The following EIPR1 variants were observed in gnomAD, a reference collection of about 807,000 sequenced individuals.
The protein encoded by EIPR1 is EARP and GARP complex-interacting protein 1.
Under a neutral mutation model 48.1 loss-of-function variants are expected in EIPR1, and 25 were observed. The observed-to-expected ratio is 0.52, with a 90% CI of 0.38 to 0.73. The LOEUF (loss-of-function observed/expected upper bound fraction) is 0.73. Among genes scored for constraint, EIPR1 ranks in the 30% least tolerant of loss-of-function variants. The pLI is 0.00. For synonymous variants in EIPR1, 204 were observed against 201.9 expected, an observed-to-expected ratio of 1.01 and a Z score of -0.09; for missense variants, 415 against 506.2, an observed-to-expected ratio of 0.82 and a Z score of 1.73.
chr2:3,210,488 C>A (rs1317564924), intron 5 of EIPR1, among the ~76,000 whole-genome samples: 2 of 152,142 alleles, frequency 1.3e-5, no homozygotes, highest in Non-Finnish European at 2.9e-5. Flanking sequence ...AACACCCCCA[C>A]GACAATCACA....
At chr2:3,333,679 T>G (rs1376140704) in intron 3 of EIPR1, among the ~76,000 whole-genome samples, 1 of 148,184 alleles carries the variant, frequency 6.7e-6, no homozygotes, top group Admixed American at 6.9e-5. Context: ...AGGTGGAGGT[T>G]GCAGTGAGCC....
In EIPR1 at chr2:3,331,233, CAGCAGAGGCAGGTGTGTACACACTCAT is replaced by C. The variant is rs1558303739; in HGVS notation, c.259+6757_259+6783del. 4.0e-4 allele frequency among the ~76,000 whole-genome samples: 33 copies of C among 82,092 alleles called. 3 individuals carry two copies. Among genetic ancestry groups the C allele is most frequent in the East Asian group, 3.1e-3 (3 of 962 alleles). 53.9% of individuals were successfully genotyped at this position (82,092 alleles called of 152,430 possible). A position where few individuals can be genotyped will look rare whatever the true frequency, so the allele number is the denominator to read the frequency against. ...GTGTGTATACACTCATGAGATGTGT[CAGCAGAGGCAGGTGTGTACACACTCAT>C]GAGATGGTGTGAGCAGAGGCAGGTG... On this transcript the variant is annotated intron_variant, in intron 3 of 8. Coordinates refer to ENST00000382125, the MANE Select transcript of EIPR1 (RefSeq NM_003310.5).
At chr2:3,221,967 C>G (rs1665908298) in intron 4 of EIPR1, among the ~76,000 whole-genome samples, 1 of 152,120 alleles carries the variant, frequency 6.6e-6, no homozygotes, top group African/African-American at 2.4e-5. Context: ...CTCCTGAAAA[C>G]TTGTTTCCCA....
chr2:3,337,515 C>G (rs1670103198), intron 3 of EIPR1, among the ~76,000 whole-genome samples: 1 of 152,184 alleles, frequency 6.6e-6, no homozygotes, highest in South Asian at 2.1e-4. Context: ...TTCAGCAACT[C>G]AGACATCTGC....
intron 3 of EIPR1, among the ~76,000 whole-genome samples, chr2:3,297,669 G>A (rs1264153275): frequency 6.6e-6 from 1 of 152,218 alleles, no homozygotes; most frequent in East Asian, 1.9e-4. Flanking sequence ...TTACTCTGTA[G>A]AGCAAAATCA....
intron 1 of EIPR1, among the ~76,000 whole-genome samples, chr2:3,355,822 A>AAAATAAAATAAAATG (rs1670710289): frequency 6.6e-6 from 1 of 151,830 alleles, no homozygotes; most frequent in Non-Finnish European, 1.5e-5. Flanking sequence ...TAAATAAAAT[A>AAAATAAAATAAAATG]AAATAAAATA....
intron 1 of EIPR1, among the ~76,000 whole-genome samples, chr2:3,359,256 T>C (rs536077623): frequency 2.8e-4 from 43 of 152,242 alleles, no homozygotes; most frequent in African/African-American, 1.0e-3. Context: ...CAAAAATAAG[T>C]AAATTGTATC....
intron 4 of EIPR1, among the ~76,000 whole-genome samples, chr2:3,238,978 T>C (rs1666505739): frequency 1.3e-5 from 2 of 152,120 alleles, no homozygotes; most frequent in African/African-American, 4.8e-5. Flanking sequence ...CTATCTAAGC[T>C]CGGCATGAAG....
intron 3 of EIPR1, among the ~76,000 whole-genome samples, chr2:3,283,662 A>T (rs1258889601): frequency 6.6e-6 from 1 of 152,224 alleles, no homozygotes; most frequent in Non-Finnish European, 1.5e-5. Context: ...AAAAGGGAAA[A>T]CTGCTGGGCA....
chr2:3,305,998 G>A (rs189193397), intron 3 of EIPR1, among the ~76,000 whole-genome samples: 3 of 152,168 alleles, frequency 2.0e-5, no homozygotes, highest in African/African-American at 7.2e-5. Flanking sequence ...ACTGAGTTCC[G>A]AGGCAGTCAC....
chr2:3,239,582 C>A (rs1666527436), intron 4 of EIPR1, among the ~76,000 whole-genome samples: 1 of 152,210 alleles, frequency 6.6e-6, no homozygotes, highest in South Asian at 2.1e-4. Flanking sequence ...TGTGGCCCTG[C>A]CCTCAGCACA....
intron 4 of EIPR1, among the ~76,000 whole-genome samples, chr2:3,253,955 A>G (rs2694094): frequency 0.66 from 100,829 of 152,084 alleles, 33,667 homozygotes; most frequent in East Asian, 0.81. Flanking sequence ...GCGTGATGGC[A>G]GCTGGAGTGG....
In EIPR1 at chr2:3,194,158, T is replaced by C. The variant is rs1368698072; in HGVS notation, c.662A>G (p.Tyr221Cys). The change falls in exon 7 of 9, where the codon TAC becomes TGC. Residue 221 changes from tyrosine (Y) to cysteine (C), a missense_variant. Physicochemically the swap from Tyr to Cys is radical, Grantham distance 194. Transcript: ENST00000382125. ...GWDTRSMSQI[Y>C]CIENAHGQLV... ...CTGTCCGTGGGCATTCTCTATGCAG[T>C]AGATCTGGCTGAGGGAGAAGGAAGA... is the stretch of plus-strand genomic sequence containing the variant. The C allele has an allele frequency of 6.2e-7, 1 of 1,613,558 alleles. No homozygotes were observed. Among genetic ancestry groups the C allele is most frequent in the Non-Finnish European group, 8.5e-7 (1 of 1,179,898 alleles).
At chr2:3,342,169 T>C (rs1329890762) in intron 2 of EIPR1, among the ~76,000 whole-genome samples, 1 of 152,170 alleles carries the variant, frequency 6.6e-6, no homozygotes, top group Non-Finnish European at 1.5e-5. Context: ...TATTATGAAA[T>C]GTTACATAGC....
At chr2:3,229,244 T>C (rs2103163363) in intron 4 of EIPR1, among the ~76,000 whole-genome samples, 1 of 152,368 alleles carries the variant, frequency 6.6e-6, no homozygotes, top group Non-Finnish European at 1.5e-5. Context: ...AGAAAGTCAC[T>C]CCTTGAAAAC....
chr2:3,247,259 C>T (rs935733721), intron 4 of EIPR1, among the ~76,000 whole-genome samples: 1 of 152,144 alleles, frequency 6.6e-6, no homozygotes, highest in Non-Finnish European at 1.5e-5. Flanking sequence ...AAACGGAGCA[C>T]AACAAGAATG....
chr2:3,317,538 C>A (rs1226529061), intron 3 of EIPR1, among the ~76,000 whole-genome samples: 1 of 152,238 alleles, frequency 6.6e-6, no homozygotes, highest in Non-Finnish European at 1.5e-5. Context: ...AGGCAGGTGA[C>A]CTCGCAGCAG....
rs532373161 is a variant in EIPR1 at position 3,352,557 on chromosome 2, A to G, written c.126+1993T>C. On this transcript the variant is annotated intron_variant, in intron 2 of 8. Transcript: ENST00000382125. ...ACCATCAACACCTTATGGCTTGATG[A>G]TCCAGATCACCCAAAACAGATACTC... 4.7e-4 allele frequency among the ~76,000 whole-genome samples: 72 copies of G among 152,378 alleles called. 1 individual carries two copies. Among genetic ancestry groups the G allele is most frequent in the African/African-American group, 1.7e-3 (71 of 41,588 alleles).
intron 3 of EIPR1, among the ~76,000 whole-genome samples, chr2:3,285,522 G>A (rs185001195): frequency 2.0e-5 from 3 of 152,348 alleles, no homozygotes; most frequent in African/African-American, 7.2e-5. Flanking sequence ...TTTCAGAAGT[G>A]CTCCATAAGA....
Sources: gnomAD v4.1 joint callset for allele counts (sites outside exome capture counted in the v4.1 genomes callset) on GRCh38, gnomAD v4.1.1 for gene constraint, MANE v1.5 for transcripts, NCBI Gene and HGNC (gene_info 2026-07-23, HGNC 2026-07-21) for gene names.